The following ZNF704 variants were observed in gnomAD, a reference collection of about 807,000 sequenced individuals.
ZNF704 encodes zinc finger protein 704.
A neutral mutation model predicts 44.7 loss-of-function variants in ZNF704; 10 were observed. The ratio of observed to expected loss-of-function variants is 0.22; its 90% CI spans 0.14 to 0.38. The LOEUF (loss-of-function observed/expected upper bound fraction) is 0.38, where lower values mean the gene tolerates loss of function less well. ZNF704 is among the 10% of genes least tolerant of loss of function. The probability of loss-of-function intolerance (pLI) is 1.00; values close to 1 mark genes in which losing one functional copy is unlikely to be tolerated. For missense variants in ZNF704, 390 were observed against 545.5 expected (o/e 0.71, Z 2.84); for synonymous variants, 211 against 207.6 (o/e 1.02, Z -0.14).
At chr8:80,671,413 C>G (rs965338674) in intron 4 of ZNF704, among the ~76,000 whole-genome samples, 7 of 152,176 alleles carry the variant, frequency 4.6e-5, no homozygotes, top group African/African-American at 1.7e-4. Context: ...TTCTTGAGTT[C>G]TCAGTGCTCT....
chr8:80,718,738 G>A (rs1260290681), intron 2 of ZNF704, among the ~76,000 whole-genome samples: 1 of 152,144 alleles, frequency 6.6e-6, no homozygotes, highest in South Asian at 2.1e-4. Context: ...AAATAAGTAC[G>A]TAACTGAGGT....
chr8:80,843,362 C>T (rs1250980866), intron 1 of ZNF704, among the ~76,000 whole-genome samples: 1 of 152,166 alleles, frequency 6.6e-6, no homozygotes, highest in Non-Finnish European at 1.5e-5. Flanking sequence ...AGACCATATA[C>T]AGGGCAAATT....
At chr8:80,701,656 A>T (rs1818812423) in intron 2 of ZNF704, among the ~76,000 whole-genome samples, 1 of 152,198 alleles carries the variant, frequency 6.6e-6, no homozygotes, top group African/African-American at 2.4e-5. Context: ...AAATGAGGAG[A>T]GGAGTCCAGT....
chr8:80,666,241 T>C (rs1818192712), intron 5 of ZNF704, among the ~76,000 whole-genome samples: 2 of 149,614 alleles, frequency 1.3e-5, no homozygotes. Flanking sequence ...TGCGATAGTT[T>C]ACTGAGAATG....
At chr8:80,654,038 T>C (rs1200222396) in intron 7 of ZNF704, among the ~76,000 whole-genome samples, 2 of 152,132 alleles carry the variant, frequency 1.3e-5, no homozygotes, top group African/African-American at 2.4e-5. Flanking sequence ...TAATGCCACA[T>C]ATCTACAATT....
At chr8:80,775,236 G>A (rs2129678248) in intron 2 of ZNF704, among the ~76,000 whole-genome samples, 1 of 152,302 alleles carries the variant, frequency 6.6e-6, no homozygotes, top group South Asian at 2.1e-4. Flanking sequence ...ACACAATTCA[G>A]TCTAGATCAA....
At chr8:80,824,339 C>T (rs576721106) in intron 1 of ZNF704, among the ~76,000 whole-genome samples, 47 of 152,062 alleles carry the variant, frequency 3.1e-4, no homozygotes, top group African/African-American at 1.1e-3. Context: ...GATTGAAGCT[C>T]AAATGAATGA....
intron 1 of ZNF704, among the ~76,000 whole-genome samples, chr8:80,850,862 G>GA (rs1215101465): frequency 6.6e-6 from 1 of 152,198 alleles, no homozygotes; most frequent in African/African-American, 2.4e-5. Flanking sequence ...TGCCTAACAT[G>GA]AAGCAGGTGA....
intron 2 of ZNF704, among the ~76,000 whole-genome samples, chr8:80,745,675 T>C (rs1806832545): frequency 6.6e-6 from 1 of 152,216 alleles, no homozygotes; most frequent in Non-Finnish European, 1.5e-5. Flanking sequence ...AATGTGTCTA[T>C]TAAAAATATT....
At chr8:80,807,223 A>AGCCT (rs2129819243) in intron 2 of ZNF704, among the ~76,000 whole-genome samples, 1 of 152,252 alleles carries the variant, frequency 6.6e-6, no homozygotes, top group South Asian at 2.1e-4. Flanking sequence ...AAGCTATGGA[A>AGCCT]GCCTGTTCCT....
intron 2 of ZNF704, among the ~76,000 whole-genome samples, chr8:80,764,624 C>T (rs1807196222): frequency 1.3e-5 from 2 of 152,160 alleles, no homozygotes; most frequent in Admixed American, 1.3e-4. Flanking sequence ...AAACTCACTG[C>T]ATTTACATTT....
intron 2 of ZNF704, among the ~76,000 whole-genome samples, chr8:80,720,689 G>A (rs1047788908): frequency 4.6e-5 from 7 of 152,328 alleles, no homozygotes; most frequent in East Asian, 3.9e-4. Context: ...CATTCCCCAC[G>A]AGGGTAAAGA....
chr8:80,710,843 G>A (rs1029209450), intron 2 of ZNF704, among the ~76,000 whole-genome samples: 12 of 152,124 alleles, frequency 7.9e-5, no homozygotes, highest in African/African-American at 1.2e-4. Flanking sequence ...CTAAGACAGC[G>A]GTTTTCTGTT....
rs1457123740 is a variant in ZNF704 at position 80,844,392 on chromosome 8, A to G, written c.-21-22777T>C. 8.5e-5 allele frequency among the ~76,000 whole-genome samples: 13 copies of G among 152,270 alleles called. No homozygotes were observed. The East Asian group carries it at 2.3e-3, about 27-fold the overall frequency. ...GGCCTCAGATGGTGGAAAGAGGGCT[A>G]CCTAGCTCTCTGGCCTCTTCTTTTA... On this transcript the variant is annotated intron_variant, in intron 1 of 8. Transcript: ENST00000327835.
intron 3 of ZNF704, among the ~76,000 whole-genome samples, chr8:80,691,703 T>C (rs1263155462): frequency 3.3e-5 from 5 of 152,204 alleles, no homozygotes; most frequent in African/African-American, 1.2e-4. Context: ...CCCAGATCTC[T>C]CTCCCAAGAT....
At chr8:80,678,254 T>C (rs1242117233) in intron 4 of ZNF704, among the ~76,000 whole-genome samples, 1 of 152,086 alleles carries the variant, frequency 6.6e-6, no homozygotes, top group African/African-American at 2.4e-5. Flanking sequence ...AGAAACATAA[T>C]TACATATAGT....
At chr8:80,757,094 T>C (rs1807048710) in intron 2 of ZNF704, among the ~76,000 whole-genome samples, 1 of 152,226 alleles carries the variant, frequency 6.6e-6, no homozygotes, top group Admixed American at 6.5e-5. Context: ...ACAGTCCTTC[T>C]ACTTAGGTAA....
intron 2 of ZNF704, among the ~76,000 whole-genome samples, chr8:80,804,849 A>G (rs1292946303): frequency 2.6e-5 from 4 of 151,586 alleles, no homozygotes; most frequent in East Asian, 1.9e-4. Flanking sequence ...GAAGTTGAAG[A>G]AAAAAAAAGC....
intron 2 of ZNF704, among the ~76,000 whole-genome samples, chr8:80,715,551 A>G (rs527569510): frequency 1.6e-4 from 25 of 152,270 alleles, no homozygotes; most frequent in Middle Eastern, 3.4e-3. Context: ...GGCCCAAGGA[A>G]GTGGGTGGGG....
Sources: allele counts gnomAD v4.1 joint callset (sites outside exome capture counted in the v4.1 genomes callset), GRCh38; gene constraint gnomAD v4.1.1; transcripts MANE v1.5; gene names NCBI Gene and HGNC (gene_info 2026-07-23, HGNC 2026-07-21).